The following TUSC3 variants were observed in gnomAD, a reference collection of about 807,000 sequenced individuals.
TUSC3 encodes dolichyl-diphosphooligosaccharide--protein glycosyltransferase subunit TUSC3.
Under a neutral mutation model 44.8 loss-of-function variants are expected in TUSC3, and 45 were observed. The observed-to-expected ratio is 1.00, with a 90% CI of 0.79 to 1.29. The LOEUF (loss-of-function observed/expected upper bound fraction) is 1.29. Ranked by LOEUF, TUSC3 falls within the 50% of genes most tolerant of loss-of-function variation. TUSC3 has a pLI of 0.00. For synonymous variants in TUSC3, 212 were observed against 152.9 expected (o/e 1.39, Z -2.85); for missense variants, 519 against 437.9 (o/e 1.19, Z -1.65).
intron 2 of TUSC3, among the ~76,000 whole-genome samples, chr8:15,504,826 G>A (rs1248195183): frequency 6.0e-5 from 9 of 149,948 alleles, no homozygotes; most frequent in Non-Finnish European, 1.2e-4. Flanking sequence ...CTAATTTTTT[G>A]TATTTTCAGT....
At chr8:15,639,019 C>G (rs1358338858) in intron 2 of TUSC3, among the ~76,000 whole-genome samples, 1 of 112,486 alleles carries the variant, frequency 8.9e-6, no homozygotes, top group Non-Finnish European at 1.7e-5. Context: ...GATCATGTGT[C>G]GATGCTAGAT....
At chr8:15,614,427 TTGTGAC>T (rs1336928781) in intron 1 of TUSC3, among the ~76,000 whole-genome samples, 1 of 152,208 alleles carries the variant, frequency 6.6e-6, no homozygotes, top group African/African-American at 2.4e-5. Context: ...AGTAAGATAT[TTGTGAC>T]TGTTTACAGT....
the TUSC3 span, among the ~76,000 whole-genome samples, chr8:15,843,960 T>C: frequency 4.1e-4 from 63 of 152,258 alleles, no homozygotes; most frequent in African/African-American, 1.4e-3. Context: ...CTTTGGTTTA[T>C]TGGGAGATAG....
intron 6 of TUSC3, among the ~76,000 whole-genome samples, chr8:15,676,047 A>C (rs1808175825): frequency 6.6e-6 from 1 of 151,942 alleles, no homozygotes; most frequent in South Asian, 2.1e-4. Context: ...TTACATTCCC[A>C]CCAGCAGTGT....
intron 2 of TUSC3, among the ~76,000 whole-genome samples, chr8:15,514,194 C>T (rs76534385): frequency 1.3e-5 from 2 of 152,040 alleles, no homozygotes; most frequent in Non-Finnish European, 2.9e-5. Flanking sequence ...CTAGTAATTA[C>T]GTAGATACCC....
chr8:15,787,031 CTG>C, the TUSC3 span, among the ~76,000 whole-genome samples: 302 of 148,452 alleles, frequency 2.0e-3, 1 homozygote, highest in Admixed American at 4.7e-3. Flanking sequence ...GACTTTGGGT[CTG>C]TGGTTTGCTA....
chr8:15,816,357 G>A, the TUSC3 span, among the ~76,000 whole-genome samples: 1 of 152,088 alleles, frequency 6.6e-6, no homozygotes, highest in African/African-American at 2.4e-5. Flanking sequence ...TAATGGAAGG[G>A]GTGGCAATGT....
the TUSC3 span, among the ~76,000 whole-genome samples, chr8:15,837,198 C>T: frequency 1.6e-3 from 225 of 142,708 alleles, no homozygotes; most frequent in African/African-American, 5.4e-3. Flanking sequence ...TTTTTTCTCA[C>T]ATTTGAAAAG....
intron 1 of TUSC3, among the ~76,000 whole-genome samples, chr8:15,570,784 A>G (rs1802842111): frequency 6.6e-6 from 1 of 151,790 alleles, no homozygotes; most frequent in East Asian, 1.9e-4. Context: ...TGTTCTTCTG[A>G]TTTAAGTACT....
chr8:15,604,980 A>G (rs1804457393), intron 1 of TUSC3, among the ~76,000 whole-genome samples: 1 of 151,858 alleles, frequency 6.6e-6, no homozygotes, highest in South Asian at 2.1e-4. Flanking sequence ...TGGTAAAGAG[A>G]TACATAAAAC....
chr8:15,587,455 G>T (rs887145668), intron 1 of TUSC3, among the ~76,000 whole-genome samples: 6 of 152,046 alleles, frequency 3.9e-5, no homozygotes, highest in African/African-American at 1.2e-4. Context: ...TGTAATAACT[G>T]TATATATTTA....
At chr8:15,526,092 G>T (rs541282766) in intron 2 of TUSC3, among the ~76,000 whole-genome samples, 3 of 152,052 alleles carry the variant, frequency 2.0e-5, no homozygotes, top group Non-Finnish European at 4.4e-5. Flanking sequence ...GAGTGCAGTG[G>T]CACCATCTCG....
intron 1 of TUSC3, among the ~76,000 whole-genome samples, chr8:15,422,704 T>A (rs542917257): frequency 2.2e-4 from 34 of 152,182 alleles, no homozygotes; most frequent in Admixed American, 1.7e-3. Context: ...CAGGCTGGGG[T>A]ACAGTGATAT....
intron 1 of TUSC3, among the ~76,000 whole-genome samples, chr8:15,435,358 C>G (rs1799932679): frequency 6.6e-6 from 1 of 152,162 alleles, no homozygotes; most frequent in South Asian, 2.1e-4. Context: ...TATGAACAGA[C>G]ACTTCTCAAA....
At chr8:15,441,882 C>T (rs1052379617) in intron 1 of TUSC3, among the ~76,000 whole-genome samples, 1 of 152,086 alleles carries the variant, frequency 6.6e-6, no homozygotes, top group Non-Finnish European at 1.5e-5. Context: ...TACTAGATAC[C>T]AGCTATATGA....
intron 2 of TUSC3, among the ~76,000 whole-genome samples, chr8:15,493,675 C>T (rs1800840320): frequency 6.6e-6 from 1 of 152,104 alleles, no homozygotes; most frequent in African/African-American, 2.4e-5. Flanking sequence ...ATAGTTGCTG[C>T]CCTTAGGGAA....
intron 2 of TUSC3, among the ~76,000 whole-genome samples, chr8:15,507,174 A>T (rs1801063121): frequency 6.6e-6 from 1 of 152,166 alleles, no homozygotes; most frequent in Non-Finnish European, 1.5e-5. Context: ...TCCATAGTCC[A>T]AACTATAGAG....
chr8:15,806,532 A>T, the TUSC3 span: 1 of 1,378,026 alleles, frequency 7.3e-7, no homozygotes. Flanking sequence ...TCAAGCCTGG[A>T]TCTTACAAAA....
intron 1 of TUSC3, among the ~76,000 whole-genome samples, chr8:15,576,989 T>C (rs1306602791): frequency 7.5e-6 from 1 of 133,790 alleles, no homozygotes; most frequent in East Asian, 2.1e-4. Context: ...TCCTGACTTT[T>C]TAATGATTGC....
Sources: allele counts gnomAD v4.1 joint callset (sites outside exome capture counted in the v4.1 genomes callset), GRCh38; gene constraint gnomAD v4.1.1; transcripts MANE v1.5; gene names NCBI Gene and HGNC (gene_info 2026-07-23, HGNC 2026-07-21).